WDPCP: variants seen among roughly 807,000 people sequenced by gnomAD.
The protein encoded by WDPCP is WD repeat containing planar cell polarity effector, also known as WD repeat-containing and planar cell polarity effector protein fritz homolog.
A neutral mutation model predicts 93.1 loss-of-function variants in WDPCP; 71 were observed. The ratio of observed to expected loss-of-function variants is 0.76; its 90% CI spans 0.63 to 0.93. The LOEUF is 0.93. Ranked by LOEUF, WDPCP falls within the 40% of genes least tolerant of loss-of-function variation. The pLI, the probability that WDPCP is intolerant of heterozygous loss-of-function variation, is 0.00. For missense variants in WDPCP, 844 were observed against 887.4 expected (o/e 0.95, Z 0.62); for synonymous variants, 315 against 315.0 (o/e 1.00, Z 0.00).
intron 2 of WDPCP, among the ~76,000 whole-genome samples, chr2:63,707,100 G>A (rs989468411): frequency 1.1e-4 from 17 of 152,190 alleles, no homozygotes; most frequent in Non-Finnish European, 2.1e-4. Flanking sequence ...TGACAATTAT[G>A]TGTCTTGGAG....
intron 14 of WDPCP, among the ~76,000 whole-genome samples, chr2:63,243,421 A>G (rs529245035): frequency 1.3e-5 from 2 of 152,188 alleles, no homozygotes; most frequent in African/African-American, 4.8e-5. Context: ...GATTCTGGAT[A>G]TTAGGCCTTT....
chr2:63,286,647 T>G (rs1019681639), intron 13 of WDPCP, among the ~76,000 whole-genome samples: 2 of 152,244 alleles, frequency 1.3e-5, no homozygotes, highest in African/African-American at 2.4e-5. Flanking sequence ...TGGTGGTCTC[T>G]TCACACAGAC....
At chr2:63,827,196 C>G (rs576574787) in intron 1 of WDPCP, among the ~76,000 whole-genome samples, 16 of 143,522 alleles carry the variant, frequency 1.1e-4, no homozygotes, top group Middle Eastern at 3.4e-3. Context: ...ATACAATCCC[C>G]TGTTACCCCT....
rs906576817 is a variant in WDPCP, at chr2:63,404,742, C to A, written c.826-85G>T. On this transcript the variant is annotated intron_variant, in intron 9 of 17. Coordinates refer to ENST00000272321, the MANE Select transcript of WDPCP (RefSeq NM_015910.7). Reference sequence around the variant, plus strand: ...CTAGGACTGCATATTTATTCAGAAACCTATTAAAGAAAATCAATTACTATC... The same window carrying A: ...CTAGGACTGCATATTTATTCAGAAAACTATTAAAGAAAATCAATTACTATC... The A allele has an allele frequency of 9.1e-6, 14 of 1,544,680 alleles. No individual in the cohort carries two copies. In the African/African-American group the frequency reaches 1.8e-4, roughly 20 times the overall value.
intron 1 of WDPCP, among the ~76,000 whole-genome samples, chr2:63,575,448 C>G (rs917700370): frequency 9.2e-5 from 6 of 65,364 alleles, no homozygotes; most frequent in Admixed American, 3.1e-4. Flanking sequence ...AGTGTATACA[C>G]TGTATATACA....
At chr2:63,264,724 G>A (rs911422563) in intron 13 of WDPCP, among the ~76,000 whole-genome samples, 3 of 152,014 alleles carry the variant, frequency 2.0e-5, no homozygotes, top group Non-Finnish European at 4.4e-5. Flanking sequence ...TAAAAAAATG[G>A]ACCTAACAGA....
In WDPCP at chr2:63,559,107, G is replaced by A. The variant is rs150660454; in HGVS notation, c.75+29090C>T. Among the ~76,000 whole-genome samples, 589 of 152,250 alleles carry A rather than the reference G, an allele frequency of 3.9e-3. 4 individuals are homozygous for A. Among genetic ancestry groups the A allele is most frequent in the Non-Finnish European group, 6.5e-3 (445 of 68,012 alleles). ...CCACGATCAAGTCAGCTTCATTCCT[G>A]GAATGCAAGGCTGGTTCAACATATG... On this transcript the variant is annotated intron_variant, in intron 1 of 17. Transcript: ENST00000272321.
intron 2 of WDPCP, among the ~76,000 whole-genome samples, chr2:63,812,840 T>A (rs932683555): frequency 1.3e-5 from 2 of 152,002 alleles, no homozygotes; most frequent in African/African-American, 4.8e-5. Flanking sequence ...ATGTCCCCCA[T>A]CTAACTTCTG....
intron 14 of WDPCP, among the ~76,000 whole-genome samples, chr2:63,215,641 T>G (rs1315431834): frequency 6.6e-6 from 1 of 152,210 alleles, no homozygotes; most frequent in African/African-American, 2.4e-5. Flanking sequence ...ATTCAGGACA[T>G]AGGCATGGGC....
At chr2:63,392,623 T>C (rs950813608) in intron 10 of WDPCP, among the ~76,000 whole-genome samples, 2 of 152,154 alleles carry the variant, frequency 1.3e-5, no homozygotes, top group Non-Finnish European at 2.9e-5. Context: ...GAGAAAATTT[T>C]TGCAATCTAC....
chr2:63,697,460 A>G (rs948400001), intron 2 of WDPCP, among the ~76,000 whole-genome samples: 1 of 152,176 alleles, frequency 6.6e-6, no homozygotes, highest in Non-Finnish European at 1.5e-5. Context: ...AGGCTAAAAA[A>G]CAGTTTGAAA....
At chr2:63,608,133 C>A (rs1284098802) in intron 3 of WDPCP, among the ~76,000 whole-genome samples, 4 of 151,858 alleles carry the variant, frequency 2.6e-5, no homozygotes, top group Non-Finnish European at 5.9e-5. Flanking sequence ...AAATAAGTTG[C>A]AGATAATATT....
At chr2:63,483,557 A>G (rs1177260464) in intron 6 of WDPCP, among the ~76,000 whole-genome samples, 1 of 151,910 alleles carries the variant, frequency 6.6e-6, no homozygotes, top group Non-Finnish European at 1.5e-5. Flanking sequence ...ATCCACAAAA[A>G]TGATAGTATA....
intron 3 of WDPCP, among the ~76,000 whole-genome samples, chr2:63,639,302 T>C (rs1423811464): frequency 2.6e-5 from 4 of 152,192 alleles, no homozygotes; most frequent in Non-Finnish European, 5.9e-5. Context: ...GCCATCATGC[T>C]TGGCTAATTT....
chr2:63,707,418 T>A (rs1669177480), intron 2 of WDPCP, among the ~76,000 whole-genome samples: 1 of 152,252 alleles, frequency 6.6e-6, no homozygotes, highest in African/African-American at 2.4e-5. Flanking sequence ...GTTGATCGCA[T>A]CGGTTACTGA....
chr2:63,224,270 G>A (rs1559220410), intron 14 of WDPCP, among the ~76,000 whole-genome samples: 1 of 152,014 alleles, frequency 6.6e-6, no homozygotes, highest in Non-Finnish European at 1.5e-5. Context: ...GAACAACAAG[G>A]ATTCTTATTC....
chr2:63,691,649 A>G (rs1241262306), intron 2 of WDPCP, among the ~76,000 whole-genome samples: 1 of 152,154 alleles, frequency 6.6e-6, no homozygotes, highest in Non-Finnish European at 1.5e-5. Flanking sequence ...AAAAGAAAAA[A>G]AGAAAAAGAA....
At chr2:63,237,916 AC>A (rs1161107295) in intron 14 of WDPCP, among the ~76,000 whole-genome samples, 1 of 151,560 alleles carries the variant, frequency 6.6e-6, no homozygotes, top group African/African-American at 2.4e-5. Flanking sequence ...AGAAGCCGAA[AC>A]CTCAGCATTA....
At chr2:63,738,279 G>A (rs1157502257) in intron 2 of WDPCP, among the ~76,000 whole-genome samples, 3 of 151,994 alleles carry the variant, frequency 2.0e-5, no homozygotes, top group Admixed American at 6.6e-5. Flanking sequence ...TCATGGAGAT[G>A]ATTGTATAAT....
Sources: allele counts gnomAD v4.1 joint callset (sites outside exome capture counted in the v4.1 genomes callset), GRCh38; gene constraint gnomAD v4.1.1; transcripts MANE v1.5; gene names NCBI Gene and HGNC (gene_info 2026-07-23, HGNC 2026-07-21).